Variants in IQCK observed in about 807,000 individuals in gnomAD.
The protein encoded by IQCK is IQ motif containing K, also known as IQ domain-containing protein K.
In IQCK, 29 loss-of-function variants were observed where a neutral mutation model predicts 28.1. That is an observed-to-expected ratio of 1.03 (90% confidence interval 0.77 to 1.41). The LOEUF is 1.41. Ranked by LOEUF, IQCK falls within the 40% of genes most tolerant of loss-of-function variation. The pLI is 0.00. For synonymous variants in IQCK, 113 were observed against 115.1 expected, an observed-to-expected ratio of 0.98 and a Z score of 0.12; for missense variants, 359 against 314.7, an observed-to-expected ratio of 1.14 and a Z score of -1.07.
At chr16:19,856,609 C>A in exon 10 of IQCK, 1 of 1,286,806 alleles carries the variant, frequency 7.8e-7, no homozygotes, top group South Asian at 1.2e-5. Flanking sequence ...AGGAAAATGT[C>A]CAAATGATGC....
intron 9 of IQCK, 112 bp from the exon 9 acceptor site, chr16:19,856,375 G>A: frequency 1.3e-6 from 1 of 778,246 alleles, no homozygotes; most frequent in Non-Finnish European, 2.2e-6. Flanking sequence ...CAGGCGCACA[G>A]TGGGTTTTGG....
At chr16:19,834,319 C>T (rs1170655212) in intron 9 of IQCK, among the ~76,000 whole-genome samples, 1 of 152,096 alleles carries the variant, frequency 6.6e-6, no homozygotes, top group East Asian at 1.9e-4. Context: ...ATGAGGAAAC[C>T]GGGGCTGGGA....
chr16:19,847,117 C>A (rs2141118774), intron 9 of IQCK, among the ~76,000 whole-genome samples: 1 of 152,258 alleles, frequency 6.6e-6, no homozygotes, highest in Non-Finnish European at 1.5e-5. Flanking sequence ...ATAGCATCTA[C>A]CTCCCAGGGT....
intron 4 of IQCK, chr16:19,735,885 A>T (rs1388002226): frequency 8.7e-6 from 3 of 345,570 alleles, no homozygotes; most frequent in Non-Finnish European, 1.7e-5. Context: ...ACATAGTGAG[A>T]CCCCCATCTC....
intron 9 of IQCK, among the ~76,000 whole-genome samples, chr16:19,842,454 G>T (rs1238218061): frequency 6.6e-6 from 1 of 152,154 alleles, no homozygotes; most frequent in East Asian, 1.9e-4. Flanking sequence ...CCAAGGTGGT[G>T]TGTCTTTGGC....
intron 4 of IQCK, among the ~76,000 whole-genome samples, chr16:19,753,460 G>A (rs759579714): frequency 1.3e-5 from 2 of 151,944 alleles, no homozygotes; most frequent in Non-Finnish European, 2.9e-5. Flanking sequence ...AAACATACCT[G>A]CTTTGGAATA....
exon 10 of IQCK, chr16:19,858,445 C>T (rs2056591337): frequency 1.5e-6 from 1 of 660,430 alleles, no homozygotes; most frequent in East Asian, 2.8e-5. Context: ...TATGCTTGGA[C>T]AATAAAGAAC....
downstream of IQCK, chr16:19,827,236 G>C: frequency 1.3e-6 from 1 of 796,164 alleles, no homozygotes; most frequent in Admixed American, 2.1e-5. Context: ...TAAGGTCCTT[G>C]TCTGCATGGA....
chr16:19,818,648 C>G (rs1309863174), intron 7 of IQCK, among the ~76,000 whole-genome samples: 1 of 152,146 alleles, frequency 6.6e-6, no homozygotes, highest in Non-Finnish European at 1.5e-5. Flanking sequence ...CCGCCTTGAC[C>G]TCCCAAAGTG....
chr16:19,846,850 A>T (rs1008731315), intron 9 of IQCK, among the ~76,000 whole-genome samples: 1 of 151,454 alleles, frequency 6.6e-6, no homozygotes, highest in Admixed American at 6.6e-5. Flanking sequence ...TATTCTTCGA[A>T]TTTTCTATAA....
intron 6 of IQCK, among the ~76,000 whole-genome samples, chr16:19,777,964 A>G (rs1475351229): frequency 6.6e-6 from 1 of 152,032 alleles, no homozygotes; most frequent in Non-Finnish European, 1.5e-5. Flanking sequence ...GAGGTGAGAG[A>G]ATTGCTTCAA....
At chr16:19,857,030 C>T (rs931637519) in exon 10 of IQCK, 2 of 168,412 alleles carry the variant, frequency 1.2e-5, no homozygotes, top group Non-Finnish European at 2.5e-5. Flanking sequence ...CCAAAGGAGA[C>T]CACTCCTTAA....
chr16:19,762,593 G>C (rs192027422), intron 4 of IQCK, among the ~76,000 whole-genome samples: 37 of 152,116 alleles, frequency 2.4e-4, no homozygotes, highest in Non-Finnish European at 7.3e-5. Context: ...GGATTCACGC[G>C]TATTTCATCT....
chr16:19,851,566 C>T (rs534367048), intron 9 of IQCK, among the ~76,000 whole-genome samples: 4 of 152,202 alleles, frequency 2.6e-5, no homozygotes, highest in Admixed American at 1.3e-4. Context: ...AGGATAAGGG[C>T]GACCACGAGG....
rs1977654718 is a variant in IQCK, at chr16:19,726,310, G to T, written c.182-4120G>T. Among the ~76,000 whole-genome samples the T allele has an allele frequency of 2.0e-5, 3 of 152,138 alleles. No homozygotes were observed. The South Asian group carries it at 6.2e-4, about 32-fold the overall frequency. ...ACCATTTTTTTCTTTTACATGTGTT[G>T]AAAAACTTTTAATGTATAAGATTGA... On this transcript the variant is annotated intron_variant, in intron 1 of 7. Transcript: ENST00000564186.
intron 4 of IQCK, chr16:19,761,284 G>A: frequency 2.4e-6 from 1 of 424,416 alleles, no homozygotes; most frequent in Non-Finnish European, 4.7e-6. Flanking sequence ...ATTTTGGGGT[G>A]ATACAATTCA....
intron 4 of IQCK, chr16:19,735,982 C>T: frequency 2.5e-6 from 1 of 396,326 alleles, no homozygotes; most frequent in Non-Finnish European, 5.0e-6. Flanking sequence ...AGGAAGGCCC[C>T]TTGAGGCCCA....
intron 4 of IQCK, among the ~76,000 whole-genome samples, chr16:19,742,715 T>C (rs1479396059): frequency 6.6e-6 from 1 of 152,266 alleles, no homozygotes. Flanking sequence ...AAATACTTGC[T>C]GATCTGCGTT....
chr16:19,822,071 AAAAAAAAAAAAAC>A (rs1306922609), intron 7 of IQCK, among the ~76,000 whole-genome samples: 44 of 147,504 alleles, frequency 3.0e-4, no homozygotes, highest in South Asian at 8.4e-4. Context: ...CTGTCTCAAA[AAAAAAAAAAAAAC>A]AAAAAAAAAA....
Sources: allele counts gnomAD v4.1 joint callset (sites outside exome capture counted in the v4.1 genomes callset), GRCh38; gene constraint gnomAD v4.1.1; transcripts MANE v1.5; gene names NCBI Gene and HGNC (gene_info 2026-07-23, HGNC 2026-07-21).